SIM2: variants seen among roughly 807,000 people sequenced by gnomAD.
The protein encoded by SIM2 is SIM bHLH transcription factor 2, also known as single-minded homolog 2.
Under a neutral mutation model 64.8 loss-of-function variants are expected in SIM2, and 28 were observed. The ratio of observed to expected loss-of-function variants is 0.43; its 90% confidence interval spans 0.32 to 0.59. The LOEUF (loss-of-function observed/expected upper bound fraction) is 0.59. Ranked by LOEUF, SIM2 falls within the 20% of genes least tolerant of loss-of-function variation. The probability of loss-of-function intolerance (pLI) is 0.07; values close to 1 mark genes in which losing one functional copy is unlikely to be tolerated. For missense variants in SIM2, 847 were observed against 871.4 expected, an observed-to-expected ratio of 0.97 and a Z score of 0.35; for synonymous variants, 408 against 391.1, an observed-to-expected ratio of 1.04 and a Z score of -0.51.
intron 2 of SIM2, chr21:36,709,553 C>G (rs1331522852): frequency 1.9e-6 from 1 of 537,362 alleles, no homozygotes; most frequent in East Asian, 4.0e-5. Flanking sequence ...GCTTTCCAAT[C>G]TCACTTCCCT....
chr21:36,702,927 G>A (rs866392961), intron 1 of SIM2, among the ~76,000 whole-genome samples: 3 of 126,270 alleles, frequency 2.4e-5, no homozygotes, highest in African/African-American at 9.8e-5. Flanking sequence ...GACCAGCTTA[G>A]GACTCTGGGA....
chr21:36,706,742 C>A (rs1275538004), intron 1 of SIM2, among the ~76,000 whole-genome samples: 4 of 152,104 alleles, frequency 2.6e-5, no homozygotes, highest in Non-Finnish European at 5.9e-5. Context: ...GGTGGGGTGG[C>A]CTAGAGGCAG....
chr21:36,722,249 T>A (rs1248697072), intron 4 of SIM2, among the ~76,000 whole-genome samples: 1 of 152,038 alleles, frequency 6.6e-6, no homozygotes, highest in East Asian at 1.9e-4. Flanking sequence ...GCAGGGGGAA[T>A]TGTGGGTAAA....
At chr21:36,729,666 T>C (rs991020738) in intron 6 of SIM2, among the ~76,000 whole-genome samples, 1 of 146,566 alleles carries the variant, frequency 6.8e-6, no homozygotes, top group African/African-American at 2.5e-5. Flanking sequence ...CAGGACTGAC[T>C]GCACCATAGC....
At position 36,748,144 on chromosome 21, in the gene SIM2, C is replaced by A. The variant is rs1243904446; in HGVS notation, c.*52C>A. ...TGGACCCGGCCTCCCGGGGCTGCGGCGCCACCGAGCCCGGCAAATGCGCAC... is the reference window on the plus strand; with the variant it reads ...TGGACCCGGCCTCCCGGGGCTGCGGAGCCACCGAGCCCGGCAAATGCGCAC... On this transcript the variant is annotated 3_prime_UTR_variant, in exon 11 of 11. Coordinates refer to ENST00000290399, the MANE Select transcript of SIM2 (RefSeq NM_005069.6). The A allele has an allele frequency of 4.0e-6, 4 of 1,008,006 alleles. No individual in the cohort carries two copies. Among genetic ancestry groups the A allele is most frequent in the Non-Finnish European group, 3.7e-6 (3 of 808,968 alleles). 62.4% of individuals were successfully genotyped at this position (1,008,006 alleles called of 1,614,324 possible).
At chr21:36,708,921 G>T (rs2123425789) in intron 1 of SIM2, among the ~76,000 whole-genome samples, 1 of 152,358 alleles carries the variant, frequency 6.6e-6, no homozygotes, top group Middle Eastern at 3.4e-3. Flanking sequence ...GGCCTGGCAG[G>T]CTCGCACAGG....
rs926349320 is a variant in SIM2 at position 36,749,215 on chromosome 21, T to G, written c.*1123T>G. 1 of 152,630 alleles carries G rather than the reference T, an allele frequency of 6.6e-6. No homozygotes were observed. The highest frequency in any genetic ancestry group is 1.9e-4 in the East Asian group (1 of 5,202). The allele number at this position is 152,630 out of a possible 1,614,324, so 9.5% of individuals were successfully genotyped here. A position where few individuals can be genotyped will look rare whatever the true frequency, so the allele number is the denominator to read the frequency against. ...ACTTTTTATGGGTTTTGCTTAAAGA[T>G]CTCAACATGGAAAAATCCTGTCATG... is the stretch of plus-strand genomic sequence containing the variant. On this transcript the variant is annotated 3_prime_UTR_variant, in exon 11 of 11. Transcript: ENST00000290399.
rs1378945318 is a variant in SIM2, at chr21:36,700,357, C to CCCTT, written c.175+449_175+452dup. Among the ~76,000 whole-genome samples, 17 of 141,194 alleles carry CCCTT rather than the reference C, an allele frequency of 1.2e-4. No individual in the cohort carries two copies. In the South Asian group the frequency reaches 3.4e-3, roughly 28 times the overall value. The allele number at this position is 141,194 out of a possible 152,430, so 92.6% of individuals were successfully genotyped here. A position where few individuals can be genotyped will look rare whatever the true frequency, so the allele number is the denominator to read the frequency against. ...CTTTCTTCCTCTTTCTTTCATTCTCCCCTTCCTTCCTTCCTTGGCCCCCTC... is the reference window on the plus strand; with the variant it reads ...CTTTCTTCCTCTTTCTTTCATTCTCCCCTTCCTTCCTTCCTTCCTTGGCCCCCTC... On this transcript the variant is annotated intron_variant, in intron 1 of 10. Coordinates refer to ENST00000290399, the MANE Select transcript of SIM2 (RefSeq NM_005069.6).
At chr21:36,709,423 T>C in intron 2 of SIM2, 173 bp downstream of exon 2, 2 of 708,294 alleles carry the variant, frequency 2.8e-6, no homozygotes, top group Middle Eastern at 2.3e-4. Context: ...GCATGTCGGA[T>C]GCGGCCTGCG....
chr21:36,712,755 A>T, intron 3 of SIM2, 133 bp downstream of exon 3: 1 of 609,380 alleles, frequency 1.6e-6, no homozygotes, highest in South Asian at 2.1e-5. Flanking sequence ...CCTAAATTGC[A>T]AAATCCTCTT....
rs1426145386 is a variant in SIM2, at chr21:36,747,772, C to G, written c.1684C>G (p.Arg562Gly). The G allele has an allele frequency of 1.8e-6, 2 of 1,128,074 alleles. No individual in the cohort carries two copies. The highest frequency in any genetic ancestry group is 3.3e-5 in the African/African-American group (2 of 60,398). The allele number at this position is 1,128,074 out of a possible 1,614,324, so 69.9% of individuals were successfully genotyped here. Reference sequence around the variant, plus strand: ...CGCGCTGGGCCCGGCCAAAGCCGCCCGCCAGGCCGCCCGGGACGGGGCGCG... The same window carrying G: ...CGCGCTGGGCCCGGCCAAAGCCGCCGGCCAGGCCGCCCGGGACGGGGCGCG... Reference protein sequence around the residue: ...EPALGPAKAARQAARDGARLA... With the variant: ...EPALGPAKAAGQAARDGARLA... The change falls in exon 11 of 11, where the codon CGC (arginine) becomes GGC (glycine). Residue 562 changes from arginine to glycine, a missense_variant. By Grantham distance (125) the Arg-to-Gly change is moderately radical. This residue lies in a region of SIM2 where 447 missense variants were observed against 414.6 expected (regional missense o/e 1.08). Coordinates refer to ENST00000290399, the MANE Select transcript of SIM2 (RefSeq NM_005069.6). The surrounding 1 kb of genome is among the most constrained non-coding windows in gnomAD (Gnocchi z 4.5).
chr21:36,708,889 T>C (rs2123425718), intron 1 of SIM2, among the ~76,000 whole-genome samples: 1 of 152,364 alleles, frequency 6.6e-6, no homozygotes, highest in East Asian at 1.9e-4. Context: ...CATGAGCACG[T>C]GGGCGACCCG....
At chr21:36,734,590 CA>C (rs1292376419) in intron 7 of SIM2, among the ~76,000 whole-genome samples, 4 of 152,152 alleles carry the variant, frequency 2.6e-5, no homozygotes, top group Non-Finnish European at 5.9e-5. Flanking sequence ...TTTCCCCTGG[CA>C]GCTTTGAGAG....
At chr21:36,707,649 G>C (rs995478284) in intron 1 of SIM2, among the ~76,000 whole-genome samples, 1 of 151,564 alleles carries the variant, frequency 6.6e-6, no homozygotes, top group African/African-American at 2.4e-5. Flanking sequence ...TTGCGAAGCC[G>C]CTGCCCTGGG....
chr21:36,744,957 G>A lies in SIM2; in HGVS notation c.1397G>A (p.Gly466Glu). The A allele has an allele frequency of 6.2e-7, 1 of 1,614,236 alleles. No individual in the cohort carries two copies. The highest frequency in any genetic ancestry group is 1.1e-5 in the South Asian group (1 of 91,084). Residue 466 changes from glycine to glutamate, a missense_variant, in exon 10 of 11, where the codon GGG (glycine) becomes GAG (glutamate). Gly to Glu is a moderately conservative substitution (Grantham distance 98). Around this residue, in one of 3 missense-constraint regions of SIM2, gnomAD observed 447 missense variants for 414.6 expected, o/e 1.08. Coordinates refer to ENST00000290399, the MANE Select transcript of SIM2 (RefSeq NM_005069.6). ...SKKPMLPAKFGQPQGSPCEVA... is the reference protein window; with the variant it reads ...SKKPMLPAKFEQPQGSPCEVA... ...AAGCCAATGTTGCCGGCCAAGTTCG[G>A]GCAGCCCCAAGGATCCCCTTGTGAG...
chr21:36,739,748 C>T (rs990853396), intron 7 of SIM2, among the ~76,000 whole-genome samples: 15 of 152,040 alleles, frequency 9.9e-5, no homozygotes, highest in South Asian at 4.1e-4. Context: ...GGCCAGGCGC[C>T]GTGGCTCACA....
intron 1 of SIM2, chr21:36,701,205 G>A (rs1320944884): frequency 6.6e-6 from 1 of 152,636 alleles, no homozygotes; most frequent in African/African-American, 2.4e-5. Flanking sequence ...GAGGTAGGGA[G>A]ACAACTTCCG....
At chr21:36,713,740 CT>C (rs541354408) in intron 3 of SIM2, among the ~76,000 whole-genome samples, 283 of 152,264 alleles carry the variant, frequency 1.9e-3, no homozygotes, top group Non-Finnish European at 2.9e-3. Flanking sequence ...TCTGCCAATA[CT>C]TTTTTTTATA....
At chr21:36,702,409 T>C (rs977149194) in intron 1 of SIM2, among the ~76,000 whole-genome samples, 1 of 152,228 alleles carries the variant, frequency 6.6e-6, no homozygotes, top group Non-Finnish European at 1.5e-5. Context: ...CCCTCCTCCA[T>C]TCGTGCAATG....
Sources: allele counts gnomAD v4.1 joint callset (sites outside exome capture counted in the v4.1 genomes callset), GRCh38; gene constraint gnomAD v4.1.1; regional missense constraint gnomAD v4.1.1; non-coding constraint Gnocchi (gnomAD v3.1); transcripts MANE v1.5; gene names NCBI Gene and HGNC (gene_info 2026-07-23, HGNC 2026-07-21).